Variants in CDH13 observed in about 807,000 individuals in gnomAD.
CDH13 encodes the protein cadherin-13.
CDH13 carries 24 observed loss-of-function variants against 63.8 expected under a neutral mutation model. The ratio of observed to expected loss-of-function variants is 0.38; its 90% confidence interval spans 0.27 to 0.53. CDH13 has a LOEUF of 0.53. Among genes scored for constraint, CDH13 ranks in the 20% least tolerant of loss-of-function variants. The pLI is 0.85. For synonymous variants in CDH13, 503 were observed against 355.3 expected (o/e 1.42, Z -4.67); for missense variants, 1,049 against 903.1 (o/e 1.16, Z -2.07).
At chr16:83,326,160 T>A (rs2090355363) in intron 5 of CDH13, among the ~76,000 whole-genome samples, 1 of 152,182 alleles carries the variant, frequency 6.6e-6, no homozygotes, top group South Asian at 2.1e-4. Context: ...TTTATTCATC[T>A]TTCCAGAACA....
intron 10 of CDH13, among the ~76,000 whole-genome samples, chr16:83,692,135 A>G (rs8058954): frequency 0.59 from 89,125 of 152,070 alleles, 26,634 homozygotes; most frequent in Middle Eastern, 0.73. Flanking sequence ...TGTGTGTGCA[A>G]TTACCAGACC....
At chr16:82,932,814 G>A (rs1010417268) in intron 2 of CDH13, among the ~76,000 whole-genome samples, 4 of 152,060 alleles carry the variant, frequency 2.6e-5, no homozygotes, top group East Asian at 1.9e-4. Context: ...AAGTGTGAAC[G>A]ATTAACTTAA....
At position 82,838,952 on chromosome 16, in the gene CDH13, C is replaced by A. The variant is rs548474211; in HGVS notation, c.46-19410C>A. Among the ~76,000 whole-genome samples the A allele has an allele frequency of 4.6e-4, 70 of 152,336 alleles. 1 individual carries two copies. The highest frequency in any genetic ancestry group is 1.6e-3 in the African/African-American group (66 of 41,582). On this transcript the variant is annotated intron_variant, in intron 1 of 13. Coordinates refer to ENST00000567109, the MANE Select transcript of CDH13 (RefSeq NM_001257.5). ...TAAATTTTCAGACATTGCAGGCCAT[C>A]CAGTCTCTGGGCAGCTACACTACTC...
At chr16:83,023,289 G>A (rs1340911775) in intron 2 of CDH13, among the ~76,000 whole-genome samples, 1 of 149,390 alleles carries the variant, frequency 6.7e-6, no homozygotes, top group East Asian at 2.1e-4. Context: ...CCCAGGTGGG[G>A]TGTTTTCACT....
intron 1 of CDH13, among the ~76,000 whole-genome samples, chr16:82,651,263 C>G (rs1009797334): frequency 7.2e-5 from 11 of 152,210 alleles, no homozygotes; most frequent in African/African-American, 2.7e-4. Flanking sequence ...TAAGTACTTT[C>G]ACATGTGATG....
chr16:82,817,520 T>C (rs2037780620), intron 1 of CDH13, among the ~76,000 whole-genome samples: 1 of 152,096 alleles, frequency 6.6e-6, no homozygotes, highest in Non-Finnish European at 1.5e-5. Flanking sequence ...CATACAAATA[T>C]AGAGTGGGTG....
intron 10 of CDH13, among the ~76,000 whole-genome samples, chr16:83,690,956 A>C (rs920161923): frequency 6.6e-6 from 1 of 152,038 alleles, no homozygotes; most frequent in Non-Finnish European, 1.5e-5. Context: ...TCCTGGCCTC[A>C]AGTGATCCAC....
At position 83,037,920 on chromosome 16, in the gene CDH13, C is replaced by G. The variant is rs1917008632; in HGVS notation, c.366+5702C>G. ...AGCACCAGACATCAAGGGACAGTTC[C>G]CATCAATGGTATAATTTTGGAACCT... On this transcript the variant is annotated intron_variant, in intron 3 of 13. Coordinates refer to ENST00000567109, the MANE Select transcript of CDH13 (RefSeq NM_001257.5). Among the ~76,000 whole-genome samples the G allele has an allele frequency of 3.9e-5, 6 of 152,066 alleles. No individual in the cohort carries two copies. In the South Asian group the frequency reaches 1.2e-3, roughly 32 times the overall value.
At chr16:82,815,121 G>A (rs1044899244) in intron 1 of CDH13, among the ~76,000 whole-genome samples, 1 of 151,860 alleles carries the variant, frequency 6.6e-6, no homozygotes, top group African/African-American at 2.4e-5. Flanking sequence ...CATCGTTCAT[G>A]ACCCACCTGA....
intron 11 of CDH13, among the ~76,000 whole-genome samples, chr16:83,753,371 C>G (rs538564527): frequency 6.6e-6 from 1 of 152,226 alleles, no homozygotes; most frequent in African/African-American, 2.4e-5. Flanking sequence ...TGGCAAAACT[C>G]CATCCCGAAA....
intron 6 of CDH13, among the ~76,000 whole-genome samples, chr16:83,374,924 G>C (rs2091434231): frequency 6.6e-6 from 1 of 152,198 alleles, no homozygotes; most frequent in Non-Finnish European, 1.5e-5. Context: ...TATATATACA[G>C]ATTTGAAGTG....
chr16:83,216,643 A>G, intron 4 of CDH13, among the ~76,000 whole-genome samples: 1 of 144,794 alleles, frequency 6.9e-6, no homozygotes, highest in East Asian at 2.0e-4. Context: ...TAATATATAT[A>G]TTATATATCA....
chr16:82,886,985 T>C (rs1472271001), intron 2 of CDH13, among the ~76,000 whole-genome samples: 1 of 152,186 alleles, frequency 6.6e-6, no homozygotes, highest in African/African-American at 2.4e-5. Context: ...TGCACCTCTT[T>C]CTTTATCCTT....
chr16:82,860,221 G>T (rs1189621337), intron 2 of CDH13, among the ~76,000 whole-genome samples: 1 of 152,052 alleles, frequency 6.6e-6, no homozygotes, highest in African/African-American at 2.4e-5. Context: ...AATAGAGTTG[G>T]TATGCAAAGT....
At chr16:83,023,309 C>T (rs1029195949) in intron 2 of CDH13, among the ~76,000 whole-genome samples, 1 of 152,038 alleles carries the variant, frequency 6.6e-6, no homozygotes, top group Non-Finnish European at 1.5e-5. Flanking sequence ...TACCCCCCGA[C>T]TCCACCCCGC....
At chr16:82,656,885 G>T (rs2150918265) in intron 1 of CDH13, among the ~76,000 whole-genome samples, 1 of 145,796 alleles carries the variant, frequency 6.9e-6, no homozygotes, top group Non-Finnish European at 1.5e-5. Flanking sequence ...ATGCATTGAA[G>T]TTTCCTCCAT....
intron 5 of CDH13, among the ~76,000 whole-genome samples, chr16:83,250,194 T>C (rs879196966): frequency 6.6e-6 from 1 of 152,174 alleles, no homozygotes; most frequent in Non-Finnish European, 1.5e-5. Context: ...TGAATAAATA[T>C]TCAGATTGCC....
At chr16:83,117,541 C>T (rs979655107) in intron 3 of CDH13, among the ~76,000 whole-genome samples, 2 of 152,014 alleles carry the variant, frequency 1.3e-5, no homozygotes, top group Admixed American at 6.6e-5. Flanking sequence ...CTGTGGTTTG[C>T]CCCCTCTCTC....
intron 1 of CDH13, among the ~76,000 whole-genome samples, chr16:82,721,113 C>G (rs1162801948): frequency 1.3e-5 from 2 of 152,154 alleles, no homozygotes; most frequent in Non-Finnish European, 2.9e-5. Flanking sequence ...ATTCAATGAC[C>G]AGTCATTCCT....
Sources: gnomAD v4.1 joint callset for allele counts (sites outside exome capture counted in the v4.1 genomes callset) on GRCh38, gnomAD v4.1.1 for gene constraint, MANE v1.5 for transcripts, NCBI Gene and HGNC (gene_info 2026-07-23, HGNC 2026-07-21) for gene names.